The following SLC25A51 variants were observed in gnomAD, a reference collection of about 807,000 sequenced individuals.
SLC25A51 encodes the protein solute carrier family 25 member 51, also known as mitochondrial nicotinamide adenine dinucleotide transporter SLC25A51.
Under a neutral mutation model 19.1 loss-of-function variants are expected in SLC25A51, and 11 were observed. The observed-to-expected ratio is 0.58, with a 90% CI of 0.36 to 0.96. The LOEUF (loss-of-function observed/expected upper bound fraction) is 0.96. Ranked by LOEUF, SLC25A51 falls within the 40% of genes least tolerant of loss-of-function variation. SLC25A51 has a pLI of 0.01. For synonymous variants in SLC25A51, 105 were observed against 133.6 expected (o/e 0.79, Z 1.47); for missense variants, 201 against 365.4 (o/e 0.55, Z 3.67).
intron 2 of SLC25A51, among the ~76,000 whole-genome samples, chr9:37,896,071 C>A (rs958558629): frequency 2.6e-5 from 4 of 152,160 alleles, no homozygotes; most frequent in Non-Finnish European, 4.4e-5. Context: ...GCCTCGGCTT[C>A]CCAAAGTGCT....
At chr9:37,899,020 T>G (rs1204711052) in intron 2 of SLC25A51, among the ~76,000 whole-genome samples, 21 of 152,162 alleles carry the variant, frequency 1.4e-4, no homozygotes. Context: ...CCACCACACA[T>G]GTACTGTGTG....
chr9:37,877,651 GGCCACCCAA>G (rs1831278762), downstream of SLC25A51, among the ~76,000 whole-genome samples: 1 of 142,058 alleles, frequency 7.0e-6, no homozygotes, highest in African/African-American at 2.7e-5. Flanking sequence ...CTCCTGCCTT[GGCCACCCAA>G]AATGCTGAGA....
chr9:37,881,672 C>T (rs1465736683), intron 2 of SLC25A51: 1 of 152,150 alleles, frequency 6.6e-6, no homozygotes, highest in Admixed American at 6.5e-5. Context: ...GTTAAACTAC[C>T]TGGAAAATAA....
intron 1 of SLC25A51, among the ~76,000 whole-genome samples, chr9:37,903,097 T>C (rs1831890890): frequency 6.6e-6 from 1 of 152,198 alleles, no homozygotes; most frequent in Admixed American, 6.5e-5. Flanking sequence ...TCCTAGCTTG[T>C]TTTCCCCTGA....
At chr9:37,885,903 C>T, downstream of SLC25A51, 1 of 1,604,448 alleles carries the variant, frequency 6.2e-7, no homozygotes, top group Non-Finnish European at 8.5e-7. Context: ...TATATGGGCC[C>T]TGAGTATATC....
At chr9:37,901,886 A>G (rs4878724) in intron 1 of SLC25A51, among the ~76,000 whole-genome samples, 24,127 of 152,196 alleles carry the variant, frequency 0.16, 2,102 homozygotes, top group African/African-American at 0.22. Context: ...TTATTAGTAC[A>G]CTTACAAGCT....
intron 2 of SLC25A51, among the ~76,000 whole-genome samples, chr9:37,897,171 C>T (rs1831734418): frequency 6.6e-6 from 1 of 152,106 alleles, no homozygotes; most frequent in Non-Finnish European, 1.5e-5. Context: ...GATATTATTT[C>T]TTACATCTAT....
At chr9:37,885,830 G>A, downstream of SLC25A51, 5 of 1,606,104 alleles carry the variant, frequency 3.1e-6, no homozygotes. Context: ...ATATTCGCAT[G>A]GGCCTACTTT....
rs139008167 is a variant in SLC25A51 at position 37,887,912 on chromosome 9, A to G, written c.639T>C (p.Asn213=). The G allele has an allele frequency of 2.4e-5, 39 of 1,612,054 alleles. No individual in the cohort carries two copies. The East Asian group carries it at 3.6e-4, about 15-fold the overall frequency. Residue 213 remains asparagine (N), a synonymous_variant, in exon 3 of 3, where the codon AAT becomes AAC. Transcript: ENST00000242275. ...TATTHSAHLV[N]DFICGGLLGA... ...CCAATAGACCTCCACAGATAAAATC[A>G]TTGACCAGATGAGCACTGTGAGTCG...
downstream of SLC25A51, among the ~76,000 whole-genome samples, chr9:37,883,164 C>T (rs1831382281): frequency 6.6e-6 from 1 of 152,180 alleles, no homozygotes; most frequent in South Asian, 2.1e-4. Flanking sequence ...AAAGTTGTTA[C>T]CACACTAGTT....
At chr9:37,882,118 AAGAC>A (rs1399096480) in intron 2 of SLC25A51, among the ~76,000 whole-genome samples, 9 of 152,250 alleles carry the variant, frequency 5.9e-5, no homozygotes, top group African/African-American at 2.2e-4. Flanking sequence ...ATATTAAGCA[AAGAC>A]AGCATTAAAA....
At chr9:37,890,789 C>T (rs999195614) in intron 2 of SLC25A51, among the ~76,000 whole-genome samples, 2 of 152,092 alleles carry the variant, frequency 1.3e-5, no homozygotes, top group Non-Finnish European at 2.9e-5. Context: ...TGTACACCCA[C>T]GTTCACAGAA....
At chr9:37,895,547 ACTT>A (rs1426856726) in intron 2 of SLC25A51, among the ~76,000 whole-genome samples, 1 of 151,632 alleles carries the variant, frequency 6.6e-6, no homozygotes, top group East Asian at 1.9e-4. Flanking sequence ...TCTATTGACC[ACTT>A]CTTTACTATA....
chr9:37,892,396 C>T (rs760574959), intron 2 of SLC25A51, among the ~76,000 whole-genome samples: 5 of 152,280 alleles, frequency 3.3e-5, no homozygotes, highest in Admixed American at 2.0e-4. Context: ...AGCGGCATCG[C>T]GTTCTTGGAG....
intron 2 of SLC25A51, among the ~76,000 whole-genome samples, chr9:37,898,641 C>A (rs1831775180): frequency 6.6e-6 from 1 of 152,082 alleles, no homozygotes; most frequent in Non-Finnish European, 1.5e-5. Flanking sequence ...ATTGCCGGAA[C>A]CCAGGAGGCA....
At chr9:37,898,004 T>G (rs1831758320) in intron 2 of SLC25A51, among the ~76,000 whole-genome samples, 1 of 152,196 alleles carries the variant, frequency 6.6e-6, no homozygotes, top group African/African-American at 2.4e-5. Flanking sequence ...TCACAAATCA[T>G]GCCAAAAACC....
downstream of SLC25A51, chr9:37,886,041 C>A: frequency 6.2e-7 from 1 of 1,612,992 alleles, no homozygotes; most frequent in South Asian, 1.1e-5. Flanking sequence ...GCTGACCTCT[C>A]CCTTAAGTAC....
chr9:37,896,274 T>C (rs767635556), intron 2 of SLC25A51, among the ~76,000 whole-genome samples: 1 of 152,056 alleles, frequency 6.6e-6, no homozygotes, highest in Non-Finnish European at 1.5e-5. Context: ...ACTCCATTCT[T>C]TTCCACAAAG....
intron 2 of SLC25A51, among the ~76,000 whole-genome samples, chr9:37,898,978 GA>G (rs1831783625): frequency 6.6e-6 from 1 of 152,112 alleles, no homozygotes; most frequent in Non-Finnish European, 1.5e-5. Context: ...ACAGCCTCTG[GA>G]ACCTACTAAT....
Sources: gnomAD v4.1 joint callset for allele counts (sites outside exome capture counted in the v4.1 genomes callset) on GRCh38, gnomAD v4.1.1 for gene constraint, MANE v1.5 for transcripts, NCBI Gene and HGNC (gene_info 2026-07-23, HGNC 2026-07-21) for gene names.